CDH13: variants seen among roughly 807,000 people sequenced by gnomAD.
The protein encoded by CDH13 is cadherin-13.
A neutral mutation model predicts 63.8 loss-of-function variants in CDH13; 24 were observed. The ratio of observed to expected loss-of-function variants is 0.38; its 90% CI spans 0.27 to 0.53. The LOEUF (loss-of-function observed/expected upper bound fraction) is 0.53, where lower values mean the gene tolerates loss of function less well. Ranked by LOEUF, CDH13 falls within the 20% of genes least tolerant of loss-of-function variation. CDH13 has a pLI of 0.85. For synonymous variants in CDH13, 503 were observed against 355.3 expected, an observed-to-expected ratio of 1.42 and a Z score of -4.67; for missense variants, 1,049 against 903.1, an observed-to-expected ratio of 1.16 and a Z score of -2.07.
chr16:83,059,789 G>GTTTTTTT (rs1256608391), intron 3 of CDH13, among the ~76,000 whole-genome samples: 1 of 98,756 alleles, frequency 1.0e-5, no homozygotes, highest in African/African-American at 3.8e-5. Context: ...TTTTTTTTTT[G>GTTTTTTT]TTTGTTTTTT....
rs1193320365 is a variant in CDH13, at chr16:83,800,408, A to G, written c.*5378A>G. ...CAAAATTTTATGTATCCCCCCAGAT[A>G]AAAATTTTAAGAAATTTTAAATGCT... On this transcript the variant is annotated 3_prime_UTR_variant, in exon 14 of 14. Coordinates refer to ENST00000567109, the MANE Select transcript of CDH13 (RefSeq NM_001257.5). 1 of 152,254 alleles carries G rather than the reference A, an allele frequency of 6.6e-6. No homozygotes were observed. The highest frequency in any genetic ancestry group is 1.5e-5 in the Non-Finnish European group (1 of 68,038). The allele number at this position is 152,254 out of a possible 1,614,324, so 9.4% of individuals were successfully genotyped here.
intron 10 of CDH13, among the ~76,000 whole-genome samples, chr16:83,705,706 G>A (rs1263489669): frequency 6.6e-6 from 1 of 152,180 alleles, no homozygotes; most frequent in Non-Finnish European, 1.5e-5. Flanking sequence ...ATTTTTCTGT[G>A]CATTTTATCA....
intron 3 of CDH13, among the ~76,000 whole-genome samples, chr16:83,084,225 A>T (rs1464052643): frequency 6.6e-6 from 1 of 152,220 alleles, no homozygotes; most frequent in Non-Finnish European, 1.5e-5. Context: ...TTAGCTGAGG[A>T]AAAAGTGTGT....
At chr16:82,731,080 A>G (rs1386626423) in intron 1 of CDH13, among the ~76,000 whole-genome samples, 1 of 152,216 alleles carries the variant, frequency 6.6e-6, no homozygotes, top group African/African-American at 2.4e-5. Context: ...GTGAAGTCAC[A>G]TTGGCAGCTT....
intron 1 of CDH13, among the ~76,000 whole-genome samples, chr16:82,742,756 A>T (rs191024629): frequency 5.3e-5 from 8 of 152,330 alleles, no homozygotes; most frequent in African/African-American, 1.9e-4. Flanking sequence ...CAGAAAAGTA[A>T]TTTAAATTAT....
chr16:82,641,889 G>A (rs947943108), intron 1 of CDH13, among the ~76,000 whole-genome samples: 2 of 152,126 alleles, frequency 1.3e-5, no homozygotes, highest in African/African-American at 4.8e-5. Context: ...CTGCAGGAGG[G>A]TGATGAGTGC....
intron 1 of CDH13, among the ~76,000 whole-genome samples, chr16:82,729,224 G>T (rs1286284620): frequency 6.6e-6 from 1 of 152,084 alleles, no homozygotes; most frequent in African/African-American, 2.4e-5. Context: ...ATTTTTAATG[G>T]CTTCTAGAAT....
At chr16:82,843,614 A>C (rs1947715) in intron 1 of CDH13, among the ~76,000 whole-genome samples, 98,435 of 151,986 alleles carry the variant, frequency 0.65, 32,507 homozygotes, top group East Asian at 0.87. Flanking sequence ...AGTTCAATAG[A>C]AGAATTTTTC....
At chr16:83,256,526 C>T (rs547366829) in intron 5 of CDH13, among the ~76,000 whole-genome samples, 1 of 151,958 alleles carries the variant, frequency 6.6e-6, no homozygotes, top group African/African-American at 2.4e-5. Context: ...AGGATATGTT[C>T]CCTGACCTCA....
chr16:83,404,839 G>A (rs532061460), intron 6 of CDH13, among the ~76,000 whole-genome samples: 35 of 152,242 alleles, frequency 2.3e-4, no homozygotes, highest in East Asian at 5.8e-4. Flanking sequence ...AGGATCTGTC[G>A]GACGCCGTGT....
chr16:83,262,617 A>G (rs1907128437), intron 5 of CDH13, among the ~76,000 whole-genome samples: 1 of 152,204 alleles, frequency 6.6e-6, no homozygotes, highest in Non-Finnish European at 1.5e-5. Flanking sequence ...CTTGGAAAGG[A>G]CTGTCTGAAT....
chr16:82,937,643 A>G (rs975262069), intron 2 of CDH13, among the ~76,000 whole-genome samples: 4 of 152,264 alleles, frequency 2.6e-5, no homozygotes, highest in East Asian at 1.9e-4. Flanking sequence ...TGTTGCAAAC[A>G]GAAGGTTACC....
intron 6 of CDH13, among the ~76,000 whole-genome samples, chr16:83,360,078 T>C (rs74034191): frequency 0.027 from 4,116 of 152,330 alleles, 96 homozygotes; most frequent in African/African-American, 0.068. Context: ...GTTGTTCAGG[T>C]TTCATCCATG....
intron 8 of CDH13, among the ~76,000 whole-genome samples, chr16:83,618,371 G>A (rs552683201): frequency 6.6e-6 from 1 of 151,038 alleles, no homozygotes; most frequent in Admixed American, 6.6e-5. Context: ...GTTGCAGTGA[G>A]CCAAGATTGT....
At chr16:82,748,869 C>A (rs2034291978) in intron 1 of CDH13, among the ~76,000 whole-genome samples, 1 of 152,194 alleles carries the variant, frequency 6.6e-6, no homozygotes, top group African/African-American at 2.4e-5. Flanking sequence ...CTTGAACTTT[C>A]AAATATGTGC....
At position 83,535,470 on chromosome 16, in the gene CDH13, A is replaced by C. The variant is rs199621106; in HGVS notation, c.960+48815A>C. On this transcript the variant is annotated intron_variant, in intron 7 of 13. Transcript: ENST00000567109. ...GCAATAGTTCTGGTGAGAGGTGGCC[A>C]AGGCAAAGGTTAGTGTGTGACCGTG... Among the ~76,000 whole-genome samples the C allele has an allele frequency of 5.3e-5, 8 of 152,354 alleles. No homozygotes were observed. In the East Asian group the frequency reaches 1.4e-3, roughly 26 times the overall value.
At chr16:83,025,603 G>C (rs925056653) in intron 2 of CDH13, among the ~76,000 whole-genome samples, 3 of 152,170 alleles carry the variant, frequency 2.0e-5, no homozygotes, top group Non-Finnish European at 4.4e-5. Context: ...TACAATTCAA[G>C]ATGAGATTTT....
chr16:83,279,337 C>G (rs2089090738), intron 5 of CDH13, among the ~76,000 whole-genome samples: 1 of 152,156 alleles, frequency 6.6e-6, no homozygotes. Flanking sequence ...CCATTCCACT[C>G]TTGAGTTTGA....
chr16:83,029,583 G>T (rs746944351), intron 2 of CDH13, among the ~76,000 whole-genome samples: 1 of 152,158 alleles, frequency 6.6e-6, no homozygotes, highest in Non-Finnish European at 1.5e-5. Flanking sequence ...GATGAATCTC[G>T]TGGCATGTAA....
Sources: allele counts gnomAD v4.1 joint callset (sites outside exome capture counted in the v4.1 genomes callset), GRCh38; gene constraint gnomAD v4.1.1; transcripts MANE v1.5; gene names NCBI Gene and HGNC (gene_info 2026-07-23, HGNC 2026-07-21).